PLOD2: variants seen among roughly 807,000 people sequenced by gnomAD.
PLOD2 encodes procollagen-lysine,2-oxoglutarate 5-dioxygenase 2, also known as lysine hydroxylase 2.
PLOD2 carries 65 observed loss-of-function variants against 101.0 expected under a neutral mutation model. The ratio of observed to expected loss-of-function variants is 0.64; its 90% CI spans 0.53 to 0.79. The LOEUF is 0.79. Ranked by LOEUF, PLOD2 falls within the 30% of genes least tolerant of loss-of-function variation. The pLI is 0.00. For missense variants in PLOD2, 909 were observed against 914.6 expected, an observed-to-expected ratio of 0.99 and a Z score of 0.08; for synonymous variants, 314 against 302.9, an observed-to-expected ratio of 1.04 and a Z score of -0.38.
chr3:146,121,397 C>G, intron 2 of PLOD2, 149 bp from the exon 3 acceptor site: 1 of 706,720 alleles, frequency 1.4e-6, no homozygotes, highest in South Asian at 1.6e-5. Flanking sequence ...AAAAAAAAAT[C>G]TAGATGCCTA....
In PLOD2 at chr3:146,073,352, C is replaced by A; in HGVS notation, c.1678G>T (p.Asp560Tyr). 1 of 1,129,636 alleles carries A rather than the reference C, an allele frequency of 8.9e-7. No individual in the cohort carries two copies. The highest frequency in any genetic ancestry group is 1.3e-6 in the Non-Finnish European group (1 of 769,636). 70.0% of individuals were successfully genotyped at this position (1,129,636 alleles called of 1,614,324 possible). A position where few individuals can be genotyped will look rare whatever the true frequency, so the allele number is the denominator to read the frequency against. The change falls in exon 16 of 20, where the codon GAC (aspartate) becomes TAC (tyrosine). Residue 560 changes from aspartate (D) to tyrosine (Y), a missense_variant and splice_region_variant. Asp to Tyr is a radical substitution (Grantham distance 160). Transcript: ENST00000282903. ...CGGTTTATATACTTTTCCTTCCAGT[C>A]CTATAAAAAGAAGTACATATTAAAA... is the stretch of plus-strand genomic sequence containing the variant. ...DLWQIFENPVDWKEKYINRDY... is the reference protein window; with the variant it reads ...DLWQIFENPVYWKEKYINRDY...
At position 146,123,362 on chromosome 3, in the gene PLOD2, G is replaced by C. The variant is rs182546364; in HGVS notation, c.201+776C>G. On this transcript the variant is annotated intron_variant, in intron 2 of 19. Coordinates refer to ENST00000282903, the MANE Select transcript of PLOD2 (RefSeq NM_182943.3). ...AACAAGTAAGTAAATAAAATGGCAG[G>C]CCTCTCATAGCTGAGTTTAATAGTT... 4 of 694,840 alleles carry C rather than the reference G, an allele frequency of 5.8e-6. No homozygotes were observed. In the East Asian group the frequency reaches 3.4e-4, roughly 60 times the overall value. The allele number at this position is 694,840 out of a possible 1,614,324, so 43.0% of individuals were successfully genotyped here.
chr3:146,124,848 G>C (rs2030458185), intron 1 of PLOD2, among the ~76,000 whole-genome samples: 1 of 151,968 alleles, frequency 6.6e-6, no homozygotes, highest in African/African-American at 2.4e-5. Flanking sequence ...AGAATAAATG[G>C]AATCAAAATA....
chr3:146,148,403 A>G (rs1293384136), intron 1 of PLOD2, among the ~76,000 whole-genome samples: 4 of 151,992 alleles, frequency 2.6e-5, no homozygotes, highest in African/African-American at 9.7e-5. Context: ...AAAAAAAGAC[A>G]GAGACAAAAT....
chr3:146,160,764 G>A, intron 1 of PLOD2, 117 bp downstream of exon 1: 1 of 698,106 alleles, frequency 1.4e-6, no homozygotes, highest in Non-Finnish European at 2.5e-6. Context: ...GTCCTGGAGA[G>A]GAGGGACAGG....
chr3:146,079,654 C>G (rs1936463568), intron 12 of PLOD2, among the ~76,000 whole-genome samples: 1 of 151,970 alleles, frequency 6.6e-6, no homozygotes, highest in Non-Finnish European at 1.5e-5. Context: ...CTCATACTGG[C>G]TCCCCAAAGT....
rs986645863 is a variant in PLOD2 at position 146,077,904 on chromosome 3, G to A, written c.1521C>T (p.Asp507=). The A allele has an allele frequency of 1.3e-6, 2 of 1,599,710 alleles. No homozygotes were observed. Among genetic ancestry groups the A allele is most frequent in the African/African-American group, 1.3e-5 (1 of 74,578 alleles). Residue 507 remains aspartate (D), a synonymous_variant, in exon 14 of 20, where the codon GAC becomes GAT. Transcript: ENST00000282903. ...TTTGGAATGTTTCCGGAGTAGGGGA[G>A]TCTTTTTCCCTTTGTAAAGTCTAAA... The part of the protein sequence containing the change: ...AREMTLQREK[D]SPTPETFQML...
chr3:146,136,089 T>C (rs1221980833), intron 1 of PLOD2, among the ~76,000 whole-genome samples: 1 of 152,190 alleles, frequency 6.6e-6, no homozygotes, highest in Non-Finnish European at 1.5e-5. Context: ...TATTTTTCTA[T>C]GACTTTTTAA....
At chr3:146,115,547 T>C (rs1937868189) in intron 3 of PLOD2, among the ~76,000 whole-genome samples, 1 of 152,110 alleles carries the variant, frequency 6.6e-6, no homozygotes, top group African/African-American at 2.4e-5. Context: ...TCCTATTGAT[T>C]CCATCTACTT....
intron 1 of PLOD2, among the ~76,000 whole-genome samples, chr3:146,155,082 G>A (rs1281222995): frequency 1.3e-5 from 2 of 152,000 alleles, no homozygotes; most frequent in Non-Finnish European, 2.9e-5. Flanking sequence ...GACACAGTCG[G>A]GCAGTAATCA....
At chr3:146,159,259 A>G (rs2032451451) in intron 1 of PLOD2, among the ~76,000 whole-genome samples, 1 of 152,232 alleles carries the variant, frequency 6.6e-6, no homozygotes, top group Non-Finnish European at 1.5e-5. Flanking sequence ...GGAAACTTTC[A>G]TACCTAAAAT....
At chr3:146,121,582 A>G (rs1297155100) in intron 2 of PLOD2, among the ~76,000 whole-genome samples, 1 of 152,098 alleles carries the variant, frequency 6.6e-6, no homozygotes, top group Admixed American at 6.6e-5. Flanking sequence ...TAAATTTCCC[A>G]TATCACTTTT....
chr3:146,088,206 TTA>T (rs1197809701), intron 9 of PLOD2, among the ~76,000 whole-genome samples: 2 of 151,694 alleles, frequency 1.3e-5, no homozygotes, highest in African/African-American at 4.8e-5. Flanking sequence ...TTTCAAGTTC[TTA>T]TATGTTATTG....
rs999951296 is a variant in PLOD2, at chr3:146,161,173, G to A, written c.-184C>T. On this transcript the variant is annotated 5_prime_UTR_variant, in exon 1 of 20. Coordinates refer to ENST00000282903, the MANE Select transcript of PLOD2 (RefSeq NM_182943.3). ...CAGCTGAGTGAGGTCGTCGGTGGAG[G>A]CACGGAGCAGCAGGCGCCCGGGGCG... The A allele has an allele frequency of 7.6e-6, 3 of 392,766 alleles. No individual in the cohort carries two copies. The highest frequency in any genetic ancestry group is 2.1e-5 in the African/African-American group (1 of 46,832). The allele number at this position is 392,766 out of a possible 1,614,324, so 24.3% of individuals were successfully genotyped here.
At chr3:146,080,223 A>C (rs901490009) in intron 12 of PLOD2, among the ~76,000 whole-genome samples, 2 of 144,010 alleles carry the variant, frequency 1.4e-5, no homozygotes, top group African/African-American at 5.0e-5. Context: ...CAAACGCTAC[A>C]CATACACTAC....
intron 14 of PLOD2, chr3:146,077,114 C>T: frequency 8.4e-7 from 1 of 1,187,068 alleles, no homozygotes; most frequent in African/African-American, 1.6e-5. Context: ...AGCACTGACA[C>T]TCAACTGAAA....
Position 146,091,821 on chromosome 3 carries a change from T to C in PLOD2, c.858A>G (p.Thr286=). The change falls in exon 8 of 20, where the codon ACA becomes ACG. Residue 286 remains threonine, a synonymous_variant. Coordinates refer to ENST00000282903, the MANE Select transcript of PLOD2 (RefSeq NM_182943.3). The stretch of plus-strand genomic sequence containing the variant: ...TTACATCTACTGCAGACAAGTCGAC[T>C]GTATCGAATTCACAAAGAGTGCAGC... ...DNGCTLCEFD[T]VDLSAVDVHP... 1 of 1,592,258 alleles carries C rather than the reference T, an allele frequency of 6.3e-7. No individual in the cohort carries two copies. Among genetic ancestry groups the C allele is most frequent in the Non-Finnish European group, 8.6e-7 (1 of 1,160,430 alleles).
intron 10 of PLOD2, 136 bp downstream of exon 10, chr3:146,086,651 A>T (rs1936781623): frequency 1.8e-6 from 1 of 544,588 alleles, no homozygotes; most frequent in Non-Finnish European, 3.2e-6. Flanking sequence ...ACACAGTCTA[A>T]GTTGGCTACT....
chr3:146,154,489 G>A (rs1420847701), intron 1 of PLOD2, among the ~76,000 whole-genome samples: 1 of 145,892 alleles, frequency 6.9e-6, no homozygotes, highest in Non-Finnish European at 1.5e-5. Context: ...AAAAAAAAAA[G>A]TTAGTGTTAA....
Sources: gnomAD v4.1 joint callset for allele counts (sites outside exome capture counted in the v4.1 genomes callset) on GRCh38, gnomAD v4.1.1 for gene constraint, MANE v1.5 for transcripts, NCBI Gene and HGNC (gene_info 2026-07-23, HGNC 2026-07-21) for gene names.